CDC23: variants seen among roughly 807,000 people sequenced by gnomAD.
The protein encoded by CDC23 is cell division cycle protein 23 homolog.
CDC23 carries 26 observed loss-of-function variants against 81.7 expected under a neutral mutation model. The ratio of observed to expected loss-of-function variants is 0.32; its 90% CI spans 0.23 to 0.44. The LOEUF (loss-of-function observed/expected upper bound fraction) is 0.44, where lower values mean the gene tolerates loss of function less well. CDC23 is among the 20% of genes least tolerant of loss of function. The pLI, the probability that CDC23 is intolerant of heterozygous loss-of-function variation, is 1.00. For missense variants in CDC23, 519 were observed against 728.0 expected (o/e 0.71, Z 3.30); for synonymous variants, 267 against 270.8 (o/e 0.99, Z 0.14).
At chr5:138,203,020 C>T (rs1014009944) in intron 3 of CDC23, among the ~76,000 whole-genome samples, 13 of 152,110 alleles carry the variant, frequency 8.5e-5, no homozygotes, top group Non-Finnish European at 1.6e-4. Flanking sequence ...TCAAAATTAA[C>T]ATTAGCAGTG....
chr5:138,208,880 C>T (rs1394106159), intron 2 of CDC23, among the ~76,000 whole-genome samples: 2 of 152,156 alleles, frequency 1.3e-5, no homozygotes, highest in Non-Finnish European at 2.9e-5. Flanking sequence ...CCTCAGCCTC[C>T]TGGGCTCAAG....
Position 138,212,977 on chromosome 5 carries a change from A to C in CDC23, c.234+14T>G, listed in dbSNP as rs200833796. The C allele has an allele frequency of 1.9e-4, 313 of 1,611,710 alleles. No individual in the cohort carries two copies. The African/African-American group carries it at 3.9e-3, about 20-fold the overall frequency. ...TGGGTTGATGGGGAGCGCTCACTGT[A>C]AACATGTCCTTACCTCTGTAATAGG... On this transcript the variant is annotated intron_variant, in intron 2 of 15. Transcript: ENST00000394886.
At chr5:138,213,085 G>C (rs374948752) in intron 1 of CDC23, 22 bp from the exon 2 acceptor site, 2 of 1,613,970 alleles carry the variant, frequency 1.2e-6, no homozygotes, top group Non-Finnish European at 1.7e-6. Flanking sequence ...ACACAAACTA[G>C]ATCAGCTCGA....
intron 9 of CDC23, 132 bp from the exon 10 acceptor site, chr5:138,192,789 A>C (rs1754840938): frequency 2.9e-6 from 2 of 680,680 alleles, no homozygotes; most frequent in East Asian, 2.7e-5. Context: ...AAAACACCCA[A>C]ATTGTACAAA....
chr5:138,206,388 T>C, intron 3 of CDC23, 159 bp downstream of exon 3: 1 of 725,078 alleles, frequency 1.4e-6, no homozygotes, highest in Non-Finnish European at 2.4e-6. Context: ...ACCATCCTTT[T>C]TAACTTTATT....
At chr5:138,207,228 A>G (rs932173691) in intron 2 of CDC23, among the ~76,000 whole-genome samples, 23 of 152,312 alleles carry the variant, frequency 1.5e-4, no homozygotes, top group Non-Finnish European at 2.9e-4. Flanking sequence ...AGAAAAAAGA[A>G]AACTTTAAAA....
intron 3 of CDC23, among the ~76,000 whole-genome samples, chr5:138,203,463 CAG>C (rs560397359): frequency 3.0e-4 from 46 of 151,762 alleles, no homozygotes; most frequent in African/African-American, 9.9e-4. Context: ...GAAAAAGAAA[CAG>C]GGAGGGAAGA....
chr5:138,195,699 G>GTATATATA (rs1561634071), intron 9 of CDC23, among the ~76,000 whole-genome samples: 1 of 76,972 alleles, frequency 1.3e-5, no homozygotes, highest in Non-Finnish European at 2.7e-5. Flanking sequence ...TAATATATAT[G>GTATATATA]CATATATACA....
chr5:138,206,577 G>T lies in CDC23; in HGVS notation c.342C>A (p.Ala114=). 6.2e-7 allele frequency: 1 copy of T among 1,614,050 alleles called. No individual in the cohort carries two copies. Among genetic ancestry groups the T allele is most frequent in the South Asian group, 1.1e-5 (1 of 91,088 alleles). ...HFLHGCNSKK[A]YFLYMYSRYL... is the part of the protein sequence containing the mutation. ...ATCTGGAATACATATACAGAAAATAGGCTTTCTTGCTATTGCAGCCATGCA... is the reference window on the plus strand; with the variant it reads ...ATCTGGAATACATATACAGAAAATATGCTTTCTTGCTATTGCAGCCATGCA... The change falls in exon 3 of 16, where the codon GCC becomes GCA. Residue 114 remains alanine (A), a synonymous_variant. Coordinates refer to ENST00000394886, the MANE Select transcript of CDC23 (RefSeq NM_004661.4).
At chr5:138,196,812 C>A (rs1484099641) in intron 9 of CDC23, among the ~76,000 whole-genome samples, 2 of 151,412 alleles carry the variant, frequency 1.3e-5, no homozygotes, top group Admixed American at 6.6e-5. Flanking sequence ...GATCTCCTGA[C>A]CTCGTGATCC....
chr5:138,205,696 G>GAAAA (rs35284930), intron 3 of CDC23, among the ~76,000 whole-genome samples: 1 of 126,982 alleles, frequency 7.9e-6, no homozygotes, highest in Non-Finnish European at 1.7e-5. Flanking sequence ...TGGTAAATTG[G>GAAAA]AAAAAAAAAA....
rs1218809259 is a variant in CDC23 at position 138,189,735 on chromosome 5, C to T, written c.1521G>A (p.Leu507=). The change falls in exon 15 of 16, where the codon TTG becomes TTA. Residue 507 remains leucine (L), a synonymous_variant. Coordinates refer to ENST00000394886, the MANE Select transcript of CDC23 (RefSeq NM_004661.4). ...GATAGCGAAAGGCAGTGCTTTCCTCCAAGTGTTCTACTATTTCCTAGAAAG... is the reference window on the plus strand; with the variant it reads ...GATAGCGAAAGGCAGTGCTTTCCTCTAAGTGTTCTACTATTTCCTAGAAAG... The part of the protein sequence containing the change: ...IYSCGEIVEH[L]EESTAFRYLA... 9.9e-6 allele frequency: 16 copies of T among 1,613,716 alleles called. No homozygotes were observed. Among genetic ancestry groups the T allele is most frequent in the Non-Finnish European group, 1.2e-5 (14 of 1,179,830 alleles).
In CDC23 at chr5:138,191,956, C is replaced by T; in HGVS notation, c.1287-19G>A. On this transcript the variant is annotated intron_variant, in intron 11 of 15. Coordinates refer to ENST00000394886, the MANE Select transcript of CDC23 (RefSeq NM_004661.4). ...ATTGGGTCTGAGAAAGAAGAACAGG[C>T]AGTCTGAGCAAAGACTTTACAGAAA... 1.9e-6 allele frequency: 3 copies of T among 1,607,310 alleles called. No individual in the cohort carries two copies. The highest frequency in any genetic ancestry group is 2.6e-6 in the Non-Finnish European group (3 of 1,173,942).
At position 138,187,878 on chromosome 5, in the gene CDC23, G is replaced by A. The variant is rs959146519; in HGVS notation, c.*1100C>T. ...AACCTTCCTTAATATAAGATGAAGT[G>A]TCATATGTTAGGAGGTAAAAACGTA... On this transcript the variant is annotated 3_prime_UTR_variant, in exon 16 of 16. Coordinates refer to ENST00000394886, the MANE Select transcript of CDC23 (RefSeq NM_004661.4). The A allele has an allele frequency of 6.2e-6, 1 of 160,032 alleles. No homozygotes were observed. The highest frequency in any genetic ancestry group is 1.4e-5 in the Non-Finnish European group (1 of 72,366). The allele number at this position is 160,032 out of a possible 1,614,324, so 9.9% of individuals were successfully genotyped here.
chr5:138,201,981 G>A, intron 4 of CDC23, 132 bp downstream of exon 4: 1 of 655,888 alleles, frequency 1.5e-6, no homozygotes, highest in Non-Finnish European at 2.7e-6. Flanking sequence ...CAAGGTAGCT[G>A]AGATAAGCCA....
At chr5:138,198,902 A>C (rs1754949959) in intron 6 of CDC23, 120 bp from the exon 7 acceptor site, 1 of 979,124 alleles carries the variant, frequency 1.0e-6, no homozygotes, top group African/African-American at 1.6e-5. Flanking sequence ...TAGAACACCT[A>C]GTAATGAAAA....
At chr5:138,194,151 A>G (rs1313175657) in intron 9 of CDC23, among the ~76,000 whole-genome samples, 1 of 152,168 alleles carries the variant, frequency 6.6e-6, no homozygotes, top group Non-Finnish European at 1.5e-5. Flanking sequence ...TCAGCAATAA[A>G]AGGAACTACT....
chr5:138,212,510 G>A (rs1343094667), intron 2 of CDC23, among the ~76,000 whole-genome samples: 2 of 149,228 alleles, frequency 1.3e-5, no homozygotes, highest in Admixed American at 1.4e-4. Flanking sequence ...TAGAGACGGG[G>A]TTTCACCGTG....
intron 9 of CDC23, among the ~76,000 whole-genome samples, chr5:138,196,210 C>T (rs1202218738): frequency 6.6e-6 from 1 of 151,496 alleles, no homozygotes. Flanking sequence ...AAAAAAAACA[C>T]AATTCATTAA....
Sources: gnomAD v4.1 joint callset for allele counts (sites outside exome capture counted in the v4.1 genomes callset) on GRCh38, gnomAD v4.1.1 for gene constraint, MANE v1.5 for transcripts, NCBI Gene and HGNC (gene_info 2026-07-23, HGNC 2026-07-21) for gene names.